ADAMTSL1: variants seen among roughly 807,000 people sequenced by gnomAD.
ADAMTSL1 encodes ADAMTS like 1.
Under a neutral mutation model 201.8 loss-of-function variants are expected in ADAMTSL1, and 126 were observed. That is an observed-to-expected ratio of 0.62 (90% CI 0.54 to 0.72). The LOEUF is 0.72. ADAMTSL1 is among the 30% of genes least tolerant of loss of function. ADAMTSL1 has a pLI of 0.00. For missense variants in ADAMTSL1, 2,679 were observed against 2,277.8 expected (o/e 1.18, Z -3.59); for synonymous variants, 1,121 against 903.4 (o/e 1.24, Z -4.32).
At position 18,870,629 on chromosome 9, in the gene ADAMTSL1, A is replaced by G. The variant is rs562127863; in HGVS notation, c.4250-17202A>G. 3.3e-5 allele frequency among the ~76,000 whole-genome samples: 5 copies of G among 152,260 alleles called. No individual in the cohort carries two copies. The South Asian group carries it at 8.3e-4, about 25-fold the overall frequency. ...CTGACCTCTGAAATCACAAGCCAAT[A>G]AAGTTATAAGCTTTCCAGCTCCTTA... is the stretch of plus-strand genomic sequence containing the variant. On this transcript the variant is annotated intron_variant, in intron 23 of 28. Transcript: ENST00000380548.
At chr9:18,684,224 A>G (rs1830688415) in intron 12 of ADAMTSL1, among the ~76,000 whole-genome samples, 1 of 152,208 alleles carries the variant, frequency 6.6e-6, no homozygotes, top group Non-Finnish European at 1.5e-5. Flanking sequence ...AGATATCTAA[A>G]TCAATGTTTT....
chr9:18,825,931 G>T (rs556344798), intron 21 of ADAMTSL1, among the ~76,000 whole-genome samples: 2 of 152,178 alleles, frequency 1.3e-5, no homozygotes, highest in Non-Finnish European at 2.9e-5. Context: ...AAGAATTTGG[G>T]TACTCTCCTT....
At chr9:18,676,751 A>G (rs1255868757) in intron 10 of ADAMTSL1, among the ~76,000 whole-genome samples, 1 of 152,084 alleles carries the variant, frequency 6.6e-6, no homozygotes, top group Non-Finnish European at 1.5e-5. Context: ...TTTATATCAG[A>G]TCATAAATGG....
chr9:18,849,711 C>T (rs1349183924), intron 23 of ADAMTSL1, among the ~76,000 whole-genome samples: 1 of 152,196 alleles, frequency 6.6e-6, no homozygotes, highest in Non-Finnish European at 1.5e-5. Context: ...CTCATTTATA[C>T]TGGAAGGCCG....
At chr9:18,411,781 C>T (rs1591928) in intron 2 of ADAMTSL1, among the ~76,000 whole-genome samples, 75,660 of 151,934 alleles carry the variant, frequency 0.5, 19,181 homozygotes, top group East Asian at 0.79. Flanking sequence ...ATATGCATCA[C>T]TAACTGGTAG....
rs574765218 is a variant in ADAMTSL1 at position 18,305,739 on chromosome 9, T to C, written c.207+141758T>C. Reference sequence around the variant, plus strand: ...CTTATAGAGCAAACTCCCATCTCCTTGGGACACAGCACTTGGGGGATGGGG... The same window carrying C: ...CTTATAGAGCAAACTCCCATCTCCTCGGGACACAGCACTTGGGGGATGGGG... On this transcript the variant is annotated intron_variant, in intron 2 of 29. Coordinates refer to the ADAMTSL1 transcript ENST00000680146. Among the ~76,000 whole-genome samples the C allele has an allele frequency of 2.0e-5, 3 of 152,296 alleles. No individual in the cohort carries two copies. In the South Asian group the frequency reaches 6.2e-4, roughly 32 times the overall value.
intron 2 of ADAMTSL1, among the ~76,000 whole-genome samples, chr9:18,460,518 T>G (rs1820770783): frequency 6.6e-6 from 1 of 152,094 alleles, no homozygotes; most frequent in Non-Finnish European, 1.5e-5. Context: ...TGTGAAAAAT[T>G]ATTTATGGCA....
intron 2 of ADAMTSL1, among the ~76,000 whole-genome samples, chr9:18,259,563 C>T (rs865981826): frequency 9.2e-5 from 14 of 152,012 alleles, no homozygotes; most frequent in Middle Eastern, 3.4e-3. Flanking sequence ...GCTTAATGTG[C>T]TCAGGTAGTA....
chr9:18,760,271 C>G (rs1420495751), intron 16 of ADAMTSL1, among the ~76,000 whole-genome samples: 6 of 152,192 alleles, frequency 3.9e-5, no homozygotes, highest in African/African-American at 9.7e-5. Flanking sequence ...CCACTCTCTT[C>G]CTTTCTAATC....
At chr9:18,418,524 A>G (rs1021411930) in intron 2 of ADAMTSL1, among the ~76,000 whole-genome samples, 5 of 152,228 alleles carry the variant, frequency 3.3e-5, no homozygotes, top group Non-Finnish European at 5.9e-5. Flanking sequence ...AGGTAGCAGG[A>G]TACAAGATGA....
In ADAMTSL1 at chr9:18,108,069, C is replaced by A. The variant is rs1854825; in HGVS notation, c.88-55793C>A. ...TTTATTACACTTGAGAAAAGTCTTT[C>A]TAGAGTGAAAGCCTCTTTTGAAGAA... On this transcript the variant is annotated intron_variant, in intron 1 of 29. Coordinates refer to the ADAMTSL1 transcript ENST00000680146. Among the ~76,000 whole-genome samples, 7 of 152,170 alleles carry A rather than the reference C, an allele frequency of 4.6e-5. No homozygotes were observed. The South Asian group carries it at 1.5e-3, about 32-fold the overall frequency.
chr9:18,195,938 C>A (rs371091479), intron 2 of ADAMTSL1, among the ~76,000 whole-genome samples: 1 of 152,038 alleles, frequency 6.6e-6, no homozygotes, highest in African/African-American at 2.4e-5. Flanking sequence ...AGCTGATTCA[C>A]GTCCTGTGAA....
At chr9:18,027,094 C>CT (rs774790434) in intron 1 of ADAMTSL1, among the ~76,000 whole-genome samples, 1,825 of 138,578 alleles carry the variant, frequency 0.013, 10 homozygotes, top group Middle Eastern at 0.04. Context: ...TAGGTCTTCT[C>CT]TTTTTTTTTT....
At chr9:18,284,994 A>C (rs978605313) in intron 2 of ADAMTSL1, among the ~76,000 whole-genome samples, 2 of 152,296 alleles carry the variant, frequency 1.3e-5, no homozygotes, top group Admixed American at 1.3e-4. Context: ...TCAAACAATC[A>C]TTCAAGGAAC....
At chr9:18,223,199 C>T (rs1830327842) in intron 2 of ADAMTSL1, among the ~76,000 whole-genome samples, 1 of 152,022 alleles carries the variant, frequency 6.6e-6, no homozygotes, top group Admixed American at 6.6e-5. Context: ...CTAAATGCCC[C>T]AAAATCTGAA....
chr9:18,877,350 G>C (rs1288579604), intron 23 of ADAMTSL1, among the ~76,000 whole-genome samples: 2 of 152,112 alleles, frequency 1.3e-5, no homozygotes, highest in Non-Finnish European at 2.9e-5. Flanking sequence ...CTTTTCATTT[G>C]GGTAGACTAT....
In ADAMTSL1 at chr9:17,931,999, G is replaced by A. The variant is rs551480421; in HGVS notation, c.87+25077G>A. Reference sequence around the variant, plus strand: ...AGGCTGTGTGGAAATGGCTCAATGGGACCCCTGCTGTTTGGAGAATTTGAG... The same window carrying A: ...AGGCTGTGTGGAAATGGCTCAATGGAACCCCTGCTGTTTGGAGAATTTGAG... On this transcript the variant is annotated intron_variant, in intron 1 of 29. Coordinates refer to the ADAMTSL1 transcript ENST00000680146. Among the ~76,000 whole-genome samples the A allele has an allele frequency of 5.0e-4, 76 of 152,288 alleles. 1 individual carries two copies. The highest frequency in any genetic ancestry group is 2.3e-3 in the South Asian group (11 of 4,820).
intron 2 of ADAMTSL1, among the ~76,000 whole-genome samples, chr9:18,446,833 C>T (rs1421892015): frequency 6.6e-6 from 1 of 152,144 alleles, no homozygotes; most frequent in East Asian, 1.9e-4. Context: ...GGACCATATC[C>T]AAAGAGAAGG....
At chr9:18,358,348 A>G (rs2133063856) in intron 2 of ADAMTSL1, among the ~76,000 whole-genome samples, 2 of 152,310 alleles carry the variant, frequency 1.3e-5, no homozygotes, top group Middle Eastern at 6.8e-3. Flanking sequence ...GACCATTAAG[A>G]ACATTTTTGC....
Sources: gnomAD v4.1 joint callset for allele counts (sites outside exome capture counted in the v4.1 genomes callset) on GRCh38, gnomAD v4.1.1 for gene constraint, MANE v1.5 for transcripts, NCBI Gene and HGNC (gene_info 2026-07-23, HGNC 2026-07-21) for gene names.